MLLT1: variants seen among roughly 807,000 people sequenced by gnomAD.
The protein encoded by MLLT1 is protein ENL.
In MLLT1, 11 loss-of-function variants were observed where a neutral mutation model predicts 55.1. That is an observed-to-expected ratio of 0.20 (90% CI 0.13 to 0.33). The LOEUF is 0.33. Among genes scored for constraint, MLLT1 ranks in the 10% least tolerant of loss-of-function variants. The probability of loss-of-function intolerance (pLI) is 1.00; values close to 1 mark genes in which losing one functional copy is unlikely to be tolerated. For synonymous variants in MLLT1, 323 were observed against 320.1 expected (o/e 1.01, Z -0.10); for missense variants, 536 against 760.6 (o/e 0.70, Z 3.47).
intron 3 of MLLT1, among the ~76,000 whole-genome samples, chr19:6,255,240 C>T (rs559752638): frequency 2.6e-5 from 4 of 152,312 alleles, no homozygotes; most frequent in East Asian, 1.9e-4. Context: ...TGCCTGTAAT[C>T]CCAGCACTTT....
chr19:6,263,642 C>T (rs567165354), intron 2 of MLLT1, among the ~76,000 whole-genome samples: 18 of 152,292 alleles, frequency 1.2e-4, no homozygotes, highest in South Asian at 2.1e-4. Context: ...AACAGGGAGA[C>T]GCACCGGCCC....
intron 3 of MLLT1, among the ~76,000 whole-genome samples, chr19:6,252,751 A>G (rs2091227536): frequency 6.6e-6 from 1 of 152,224 alleles, no homozygotes; most frequent in Non-Finnish European, 1.5e-5. Context: ...CATAGAGTGA[A>G]TCAATAAAAT....
At chr19:6,254,962 A>C (rs954761) in intron 3 of MLLT1, among the ~76,000 whole-genome samples, 8,086 of 139,374 alleles carry the variant, frequency 0.058, 347 homozygotes, top group East Asian at 0.15. Flanking sequence ...GCCACACACA[A>C]AAAAAAAAAT....
At chr19:6,228,373 C>T (rs1318591583) in intron 4 of MLLT1, among the ~76,000 whole-genome samples, 5 of 152,164 alleles carry the variant, frequency 3.3e-5, no homozygotes, top group South Asian at 2.1e-4. Context: ...CGCAGTGTCT[C>T]GCTCTAGCAC....
intron 3 of MLLT1, among the ~76,000 whole-genome samples, chr19:6,257,364 C>A (rs1177317681): frequency 8.7e-5 from 13 of 149,168 alleles, no homozygotes; most frequent in Non-Finnish European, 1.6e-4. Flanking sequence ...CAGAGTGAGA[C>A]CCTGCTCAAA....
At position 6,222,269 on chromosome 19, in the gene MLLT1, G is replaced by T. The variant is rs752679972; in HGVS notation, c.962C>A (p.Ser321Tyr). Residue 321 changes from serine to tyrosine, a missense_variant, in exon 6 of 12, where the codon TCC becomes TAC. Physicochemically the swap from Ser to Tyr is moderately radical, Grantham distance 144. Coordinates refer to ENST00000252674, the MANE Select transcript of MLLT1 (RefSeq NM_005934.4). The surrounding 1 kb of genome is among the most constrained non-coding windows in gnomAD (Gnocchi z 4.1). ...CGGCTTCTTGTCCGAGAAGGAGGAGGAGGAGGAGGTGCGGGGCGAGGTGCC... is the reference window on the plus strand; with the variant it reads ...CGGCTTCTTGTCCGAGAAGGAGGAGTAGGAGGAGGTGCGGGGCGAGGTGCC... ...APGTSPRTSS[S>Y]SSFSDKKPAK... is the part of the protein sequence containing the mutation. 1.2e-6 allele frequency: 2 copies of T among 1,612,536 alleles called. 1 individual carries two copies. The highest frequency in any genetic ancestry group is 2.2e-5 in the South Asian group (2 of 90,924).
Position 6,222,404 on chromosome 19 carries a change from G to T in MLLT1, c.827C>A (p.Pro276His). 5.4e-6 allele frequency: 3 copies of T among 556,300 alleles called. No homozygotes were observed. Among genetic ancestry groups the T allele is most frequent in the African/African-American group, 2.1e-5 (1 of 48,670 alleles). The allele number at this position is 556,300 out of a possible 1,614,324, so 34.5% of individuals were successfully genotyped here. Residue 276 changes from proline to histidine, a missense_variant, in exon 6 of 12, where the codon CCC (proline) becomes CAC (histidine). By Grantham distance (77) the Pro-to-His change is moderately conservative. This residue lies in a region of MLLT1 where 449 missense variants were observed against 489.0 expected (regional missense o/e 0.92). Transcript: ENST00000252674. The surrounding 1 kb of genome is among the most constrained non-coding windows in gnomAD (Gnocchi z 4.1). ...TSPKGGPPPPPPPPPRASSKR... is the reference protein window; with the variant it reads ...TSPKGGPPPPHPPPPRASSKR... Reference sequence around the variant, plus strand: ...GCTGGAAGCCCGGGGTGGGGGTGGGGGTGGGGGTGGGGGCCCACCCTTGGG... The same window carrying T: ...GCTGGAAGCCCGGGGTGGGGGTGGGTGTGGGGGTGGGGGCCCACCCTTGGG...
chr19:6,218,739 G>T (rs1392791699), intron 6 of MLLT1, among the ~76,000 whole-genome samples: 3 of 152,262 alleles, frequency 2.0e-5, no homozygotes, highest in African/African-American at 7.2e-5. Context: ...GGGCAGGCGT[G>T]TATGGGGCAG....
At position 6,212,982 on chromosome 19, in the gene MLLT1, C is replaced by T. The variant is rs1035627159; in HGVS notation, c.*60G>A. 101 of 1,593,768 alleles carry T rather than the reference C, an allele frequency of 6.3e-5. No individual in the cohort carries two copies. The highest frequency in any genetic ancestry group is 1.4e-4 in the Admixed American group (8 of 58,620). On this transcript the variant is annotated 3_prime_UTR_variant, in exon 12 of 12. Coordinates refer to ENST00000252674, the MANE Select transcript of MLLT1 (RefSeq NM_005934.4). Reference sequence around the variant, plus strand: ...AGGCGAGACGGGAGAGGAGGGCAGGCGAGGCCTGGCTGCAGCCTCCCAGGA... The same window carrying T: ...AGGCGAGACGGGAGAGGAGGGCAGGTGAGGCCTGGCTGCAGCCTCCCAGGA...
chr19:6,260,565 G>A (rs983271390), intron 3 of MLLT1, among the ~76,000 whole-genome samples: 1 of 152,250 alleles, frequency 6.6e-6, no homozygotes, highest in East Asian at 1.9e-4. Flanking sequence ...GGCAGCCCAC[G>A]GCGGAGCCAG....
chr19:6,238,403 T>C (rs1865061), intron 3 of MLLT1, among the ~76,000 whole-genome samples: 3 of 152,110 alleles, frequency 2.0e-5, no homozygotes, highest in Admixed American at 2.0e-4. Context: ...AGCAGATTAG[T>C]AGACGTGATG....
intron 2 of MLLT1, among the ~76,000 whole-genome samples, chr19:6,265,935 C>T (rs549500540): frequency 1.8e-4 from 27 of 151,742 alleles, no homozygotes; most frequent in African/African-American, 6.3e-4. Context: ...GCCGAGAACG[C>T]GCCACTGCAC....
At chr19:6,269,329 C>T (rs1373573283) in intron 2 of MLLT1, among the ~76,000 whole-genome samples, 6 of 152,220 alleles carry the variant, frequency 3.9e-5, no homozygotes, top group Admixed American at 1.3e-4. Context: ...ATCCTGCGCA[C>T]GAAGCGCTGG....
chr19:6,242,079 G>A (rs919914693), intron 3 of MLLT1, among the ~76,000 whole-genome samples: 40 of 152,220 alleles, frequency 2.6e-4, no homozygotes, highest in African/African-American at 8.4e-4. Context: ...AAGGGGAGAA[G>A]ACAATGGGGG....
intron 1 of MLLT1, among the ~76,000 whole-genome samples, chr19:6,275,479 G>A (rs1482970188): frequency 2.6e-5 from 4 of 152,188 alleles, no homozygotes; most frequent in Non-Finnish European, 5.9e-5. Context: ...ATCTTCTCCC[G>A]CCAAGCCCAG....
rs2144859100 is a variant in MLLT1 at position 6,222,102 on chromosome 19, GC to G, written c.1110+18del. The G allele has an allele frequency of 6.8e-7, 1 of 1,480,470 alleles. No homozygotes were observed. 91.7% of individuals were successfully genotyped at this position (1,480,470 alleles called of 1,614,324 possible). On this transcript the variant is annotated intron_variant, in intron 6 of 11. Transcript: ENST00000252674. The surrounding 1 kb of genome is among the most constrained non-coding windows in gnomAD (Gnocchi z 4.1). ...CACACTGCCTGCACCTGGCTGCCCT[GC>G]CCCCAGCACTCACTCACCTCGGACT...
At chr19:6,242,754 G>C (rs1034150984) in intron 3 of MLLT1, among the ~76,000 whole-genome samples, 22 of 152,252 alleles carry the variant, frequency 1.4e-4, no homozygotes, top group African/African-American at 5.3e-4. Context: ...GGTGCTGTTG[G>C]TACCGGGTTC....
chr19:6,213,030 C>A lies in MLLT1; in HGVS notation c.*12G>T, dbSNP rs538172906. On this transcript the variant is annotated 3_prime_UTR_variant, in exon 12 of 12. Transcript: ENST00000252674. ...GGACCCCGGCGGTGGGGGCCCGGCA[C>A]GCGGCCCAGGGTCATGTGGCCACGG... 5 of 1,611,896 alleles carry A rather than the reference C, an allele frequency of 3.1e-6. No homozygotes were observed. The highest frequency in any genetic ancestry group is 4.2e-6 in the Non-Finnish European group (5 of 1,178,794).
intron 1 of MLLT1, among the ~76,000 whole-genome samples, chr19:6,276,930 G>C (rs1221657674): frequency 6.6e-6 from 1 of 152,120 alleles, no homozygotes; most frequent in Non-Finnish European, 1.5e-5. Flanking sequence ...TTCTTAGGGG[G>C]GTCTGAAAGT....
Sources: allele counts gnomAD v4.1 joint callset (sites outside exome capture counted in the v4.1 genomes callset), GRCh38; gene constraint gnomAD v4.1.1; regional missense constraint gnomAD v4.1.1; non-coding constraint Gnocchi (gnomAD v3.1); transcripts MANE v1.5; gene names NCBI Gene and HGNC (gene_info 2026-07-23, HGNC 2026-07-21).